Variants in DENND6B observed in about 807,000 individuals in gnomAD.
The protein encoded by DENND6B is DENN domain containing 6B.
In DENND6B, 73 loss-of-function variants were observed where a neutral mutation model predicts 85.1. The observed-to-expected ratio is 0.86, with a 90% CI of 0.71 to 1.04. The LOEUF (loss-of-function observed/expected upper bound fraction) is 1.04. Among genes scored for constraint, DENND6B ranks in the 50% least tolerant of loss-of-function variants. The pLI is 0.00. For synonymous variants in DENND6B, 357 were observed against 329.3 expected (o/e 1.08, Z -0.91); for missense variants, 715 against 785.8 (o/e 0.91, Z 1.08).
chr22:50,313,606 G>C lies in DENND6B; in HGVS notation c.1293+29C>G, dbSNP rs752335825. The C allele has an allele frequency of 1.1e-5, 11 of 961,912 alleles. No individual in the cohort carries two copies. In the South Asian group the frequency reaches 2.8e-4, roughly 25 times the overall value. 59.6% of individuals were successfully genotyped at this position (961,912 alleles called of 1,614,324 possible). On this transcript the variant is annotated intron_variant, in intron 15 of 19. Transcript: ENST00000413817. ...CATCCCCCCAGCCCCGTGCCCCCCA[G>C]TCCCATGTCCCCCAGCCCCGGGCCT...
chr22:50,317,142 G>T, intron 5 of DENND6B, 151 bp downstream of exon 5: 1 of 728,698 alleles, frequency 1.4e-6, no homozygotes, highest in Non-Finnish European at 2.3e-6. Flanking sequence ...GTGGGGGGGC[G>T]GCAAGGAGAG....
In DENND6B at chr22:50,316,157, A is replaced by T; in HGVS notation, c.639+17T>A. The T allele has an allele frequency of 6.2e-7, 1 of 1,612,540 alleles. No individual in the cohort carries two copies. Among genetic ancestry groups the T allele is most frequent in the Non-Finnish European group, 8.5e-7 (1 of 1,179,854 alleles). ...CACACACCTGCAGAGCCTACTCCCC[A>T]GCCAGCTGGCTCTCACCTGGACAAC... On this transcript the variant is annotated intron_variant, in intron 7 of 19. Transcript: ENST00000413817.
chr22:50,325,698 G>A (rs768771197), intron 1 of DENND6B, among the ~76,000 whole-genome samples: 2 of 152,270 alleles, frequency 1.3e-5, no homozygotes, highest in East Asian at 1.9e-4. Context: ...ATTGAACTAA[G>A]AAAGGTTTTC....
rs2068057209 is a variant in DENND6B, at chr22:50,311,303, G to A, written c.*836C>T. 6.6e-6 allele frequency: 1 copy of A among 152,318 alleles called. No individual in the cohort carries two copies. The highest frequency in any genetic ancestry group is 2.4e-5 in the African/African-American group (1 of 41,450). 9.4% of individuals were successfully genotyped at this position (152,318 alleles called of 1,614,324 possible). On this transcript the variant is annotated 3_prime_UTR_variant, in exon 20 of 20. Transcript: ENST00000413817. Reference sequence around the variant, plus strand: ...CTTAGGGACGTTCACCCCTTACCAAGGAAAGGGAGACATGCAGGCTCCAGC... The same window carrying A: ...CTTAGGGACGTTCACCCCTTACCAAAGAAAGGGAGACATGCAGGCTCCAGC...
chr22:50,309,956 C>T lies in DENND6B; in HGVS notation c.*2183G>A, dbSNP rs923835694. The T allele has an allele frequency of 2.6e-5, 4 of 152,304 alleles. No homozygotes were observed. The highest frequency in any genetic ancestry group is 9.6e-5 in the African/African-American group (4 of 41,468). 9.4% of individuals were successfully genotyped at this position (152,304 alleles called of 1,614,324 possible). ...AGTTGTGAGAGAGGTGGGTTGTCTT[C>T]CCAAGCTGCCCCGACACCTTGAAGT... On this transcript the variant is annotated 3_prime_UTR_variant, in exon 20 of 20. Transcript: ENST00000413817.
intron 1 of DENND6B, among the ~76,000 whole-genome samples, chr22:50,323,332 C>T (rs1471405307): frequency 6.7e-6 from 1 of 149,320 alleles, no homozygotes; most frequent in Non-Finnish European, 1.5e-5. Context: ...CTCTGTCACC[C>T]AGGCTGGAGT....
intron 1 of DENND6B, among the ~76,000 whole-genome samples, chr22:50,322,440 A>C (rs1451522116): frequency 6.6e-6 from 1 of 152,178 alleles, no homozygotes. Flanking sequence ...CTGGGAGGGC[A>C]TGGCTGCCAG....
Position 50,313,432 on chromosome 22 carries a change from C to T in DENND6B, c.1347+14G>A, listed in dbSNP as rs754649481. On this transcript the variant is annotated intron_variant, in intron 16 of 19. Transcript: ENST00000413817. The stretch of plus-strand genomic sequence containing the variant: ...CCCTCCATGGACCCCACAAAACCCC[C>T]ACAGGACCCCCACCTTCCAGGGCGT... 2 of 1,538,370 alleles carry T rather than the reference C, an allele frequency of 1.3e-6. No individual in the cohort carries two copies. Among genetic ancestry groups the T allele is most frequent in the Non-Finnish European group, 1.8e-6 (2 of 1,142,814 alleles).
intron 1 of DENND6B, among the ~76,000 whole-genome samples, chr22:50,322,350 A>G (rs950080170): frequency 2.6e-5 from 4 of 152,316 alleles, no homozygotes; most frequent in South Asian, 2.1e-4. Flanking sequence ...CTGGGATTAC[A>G]GGCGTGAGCC....
chr22:50,317,840 A>C, intron 4 of DENND6B, 68 bp downstream of exon 4: 1 of 1,482,304 alleles, frequency 6.7e-7, no homozygotes, highest in South Asian at 1.3e-5. Flanking sequence ...TTCTCCTACC[A>C]GCCTGACCCT....
Position 50,316,074 on chromosome 22 carries a change from G to A in DENND6B, c.653C>T (p.Ser218Phe). The A allele has an allele frequency of 1.9e-6, 3 of 1,612,636 alleles. No individual in the cohort carries two copies. The highest frequency in any genetic ancestry group is 2.5e-6 in the Non-Finnish European group (3 of 1,179,784). Residue 218 changes from serine to phenylalanine, a missense_variant, in exon 8 of 20, where the codon TCC (serine) becomes TTC (phenylalanine). By Grantham distance (155) the Ser-to-Phe change is radical. Transcript: ENST00000413817. ...ACTGGACTCGGACTTGTCCACCCTG[G>A]ATGGGATGCGCACCTGGGAGAAGGA... ...MGVVVQVRIP[S>F]RVDKSESSPP...
chr22:50,322,460 G>A (rs1028743192), intron 1 of DENND6B, among the ~76,000 whole-genome samples: 3 of 152,190 alleles, frequency 2.0e-5, no homozygotes, highest in Non-Finnish European at 4.4e-5. Flanking sequence ...GAGTGAAAGT[G>A]GTATTCTAAC....
Position 50,312,337 on chromosome 22 carries a change from T to C in DENND6B, c.1635+6A>G. 1 of 1,611,506 alleles carries C rather than the reference T, an allele frequency of 6.2e-7. No individual in the cohort carries two copies. Among genetic ancestry groups the C allele is most frequent in the Non-Finnish European group, 8.5e-7 (1 of 1,179,308 alleles). ...GGCGCTGGGACAAGGCTGGGAGGCA[T>C]CTTACCAGCTTCTCACGAAGTTTCA... On this transcript the variant is annotated splice_donor_region_variant and intron_variant, in intron 19 of 19. Transcript: ENST00000413817.
rs560251349 is a variant in DENND6B at position 50,311,826 on chromosome 22, C to T, written c.*313G>A. 128 of 410,390 alleles carry T rather than the reference C, an allele frequency of 3.1e-4. No homozygotes were observed. Among genetic ancestry groups the T allele is most frequent in the African/African-American group, 6.5e-4 (32 of 49,368 alleles). 25.4% of individuals were successfully genotyped at this position (410,390 alleles called of 1,614,324 possible). A position where few individuals can be genotyped will look rare whatever the true frequency, so the allele number is the denominator to read the frequency against. On this transcript the variant is annotated 3_prime_UTR_variant, in exon 20 of 20. Transcript: ENST00000413817. ...ACAGATGGGCACCGGGAGGGGCAGA[C>T]GGTAGACGCACCCACATCAGCAAGG...
intron 4 of DENND6B, 79 bp from the exon 5 acceptor site, chr22:50,317,452 C>T: frequency 6.7e-7 from 1 of 1,490,258 alleles, no homozygotes; most frequent in Non-Finnish European, 9.3e-7. Context: ...TGGCAAGGAG[C>T]ATGCAGGGAC....
intron 4 of DENND6B, 140 bp downstream of exon 4, chr22:50,317,768 G>A (rs2041902481): frequency 1.2e-6 from 1 of 818,864 alleles, no homozygotes; most frequent in Admixed American, 2.9e-5. Flanking sequence ...TGGGACTGCA[G>A]GGCCAGTGGG....
rs768858189 is a variant in DENND6B, at chr22:50,316,415, T to C, written c.514A>G (p.Ile172Val). The change falls in exon 6 of 20, where the codon ATC becomes GTC. Residue 172 changes from isoleucine to valine, a missense_variant. Coordinates refer to ENST00000413817, the MANE Select transcript of DENND6B (RefSeq NM_001001794.4). ...VRLFQALLSL[I>V]APEYFDKLAP... ...AGCTTGTCAAAGTACTCGGGGGCGA[T>C]GAGGCTTAGCAGCGCTTGGAACAGC... 17 of 1,589,300 alleles carry C rather than the reference T, an allele frequency of 1.1e-5. No homozygotes were observed. In the African/African-American group the frequency reaches 2.3e-4, roughly 21 times the overall value.
In DENND6B at chr22:50,313,865, A is replaced by G. The variant is rs1481056050; in HGVS notation, c.1152T>C (p.Ala384=). ...TGTCGCGGTGGAGGTGGGCCGTGTA[A>G]GCGGTGTAGAGGCCTGGCGGGAGGG... ...TLDTKPGLYT[A]YTAHLHRDKA... Residue 384 remains alanine, a synonymous_variant, in exon 14 of 20, where the codon GCT becomes GCC. Coordinates refer to ENST00000413817, the MANE Select transcript of DENND6B (RefSeq NM_001001794.4). The G allele has an allele frequency of 6.2e-7, 1 of 1,610,924 alleles. No homozygotes were observed. Among genetic ancestry groups the G allele is most frequent in the Non-Finnish European group, 8.5e-7 (1 of 1,179,494 alleles).
At chr22:50,325,831 G>C (rs1190331250) in intron 1 of DENND6B, among the ~76,000 whole-genome samples, 1 of 152,152 alleles carries the variant, frequency 6.6e-6, no homozygotes, top group South Asian at 2.1e-4. Flanking sequence ...TAGAGTTAAT[G>C]CTTTTCTGTT....
Sources: gnomAD v4.1 joint callset for allele counts (sites outside exome capture counted in the v4.1 genomes callset) on GRCh38, gnomAD v4.1.1 for gene constraint, MANE v1.5 for transcripts, NCBI Gene and HGNC (gene_info 2026-07-23, HGNC 2026-07-21) for gene names.